Variants in SCAMP4 observed in about 807,000 individuals in gnomAD.
SCAMP4 encodes secretory carrier membrane protein 4, also known as secretory carrier-associated membrane protein 4.
In SCAMP4, 19 loss-of-function variants were observed where a neutral mutation model predicts 32.1. That is an observed-to-expected ratio of 0.59 (90% CI 0.41 to 0.87). The LOEUF (loss-of-function observed/expected upper bound fraction) is 0.87, where lower values mean the gene tolerates loss of function less well. Ranked by LOEUF, SCAMP4 falls within the 40% of genes least tolerant of loss-of-function variation. The pLI, the probability that SCAMP4 is intolerant of heterozygous loss-of-function variation, is 0.00. For missense variants in SCAMP4, 302 were observed against 309.0 expected, an observed-to-expected ratio of 0.98 and a Z score of 0.17; for synonymous variants, 152 against 132.7, an observed-to-expected ratio of 1.15 and a Z score of -1.00.
At chr19:1,912,698 C>T (rs1479193342) in intron 1 of SCAMP4, 3 of 1,483,692 alleles carry the variant, frequency 2.0e-6, no homozygotes, top group South Asian at 2.6e-5. Flanking sequence ...TGGTAGTGGA[C>T]CCGGCCTCGG....
intron 1 of SCAMP4, chr19:1,912,143 C>G: frequency 6.4e-7 from 1 of 1,560,936 alleles, no homozygotes; most frequent in Non-Finnish European, 8.6e-7. Context: ...GCTTGGAGGC[C>G]GGGAGCCCGG....
chr19:1,915,586 C>T lies in SCAMP4; in HGVS notation c.7+560C>T, dbSNP rs73916825. On this transcript the variant is annotated intron_variant, in intron 2 of 6. Coordinates refer to ENST00000316097, the MANE Select transcript of SCAMP4 (RefSeq NM_079834.4). ...TTGGGAATATGGCCTTAACTCCGGA[C>T]GTGATGGAGTTAAGATAAAGTACTG... 6.7e-3 allele frequency: 1,090 copies of T among 162,040 alleles called. 11 individuals carry two copies. Among genetic ancestry groups the T allele is most frequent in the African/African-American group, 0.025 (1,045 of 41,678 alleles). 10.0% of individuals were successfully genotyped at this position (162,040 alleles called of 1,614,324 possible).
intron 1 of SCAMP4, among the ~76,000 whole-genome samples, chr19:1,914,103 C>T (rs1482201073): frequency 2.0e-5 from 3 of 152,122 alleles, no homozygotes; most frequent in Admixed American, 2.0e-4. Flanking sequence ...CAGAGGCGTG[C>T]CCAGTTGAGT....
intron 1 of SCAMP4, chr19:1,913,477 T>A (rs1234813181): frequency 1.2e-5 from 5 of 427,370 alleles, no homozygotes; most frequent in Admixed American, 4.3e-5. Flanking sequence ...TGTGTGCCTT[T>A]GTGGCCAGGG....
chr19:1,915,172 G>T, intron 2 of SCAMP4, 146 bp downstream of exon 2: 1 of 954,200 alleles, frequency 1.0e-6, no homozygotes, highest in East Asian at 2.4e-5. Context: ...CCGTAGCCCA[G>T]CACAGCTGGA....
At chr19:1,921,273 G>C (rs564950668) in intron 5 of SCAMP4, 2 of 985,420 alleles carry the variant, frequency 2.0e-6, no homozygotes, top group Admixed American at 6.1e-5. Context: ...GCCCCGGGCA[G>C]CTTCACCAGC....
intron 1 of SCAMP4, chr19:1,912,986 C>A (rs767706073): frequency 6.2e-7 from 1 of 1,609,354 alleles, no homozygotes; most frequent in Non-Finnish European, 8.5e-7. Context: ...GCGCCATGGC[C>A]CTGGTGCACG....
At chr19:1,918,808 TCTGA>T in intron 4 of SCAMP4, 77 bp from the exon 5 acceptor site, 1 of 1,529,656 alleles carries the variant, frequency 6.5e-7, no homozygotes, top group Non-Finnish European at 8.8e-7. Context: ...TCTCACCATC[TCTGA>T]CTGGCCCGTT....
At chr19:1,923,923 C>CCGCCATGCTCATTTTCTGCTTT (rs764629182) in intron 6 of SCAMP4, among the ~76,000 whole-genome samples, 185 bp from the exon 7 acceptor site, 1 of 102,680 alleles carries the variant, frequency 9.7e-6, no homozygotes, top group Non-Finnish European at 2.8e-5. Context: ...CCGTGCCCGG[C>CCGCCATGCTCATTTTCTGCTTT]CTATTTTTTA....
At chr19:1,912,894 A>G (rs749882141) in intron 1 of SCAMP4, 2 of 1,607,694 alleles carry the variant, frequency 1.2e-6, no homozygotes, top group Non-Finnish European at 1.7e-6. Context: ...CGCCGTGCGT[A>G]AACTGGACGC....
rs142601862 is a variant in SCAMP4 at position 1,920,821 on chromosome 19, G to A, written c.395+1831G>A. 3.3e-4 allele frequency: 326 copies of A among 985,532 alleles called. 2 individuals are homozygous for A. In the African/African-American group the frequency reaches 4.7e-3, roughly 14 times the overall value. 61.0% of individuals were successfully genotyped at this position (985,532 alleles called of 1,614,324 possible). ...GAGCTGGGTGGACAGGCCTGTGCCC[G>A]TGTTGGGTGGTCCTGAGATCCCGGC... On this transcript the variant is annotated intron_variant, in intron 5 of 6. Coordinates refer to ENST00000316097, the MANE Select transcript of SCAMP4 (RefSeq NM_079834.4).
At chr19:1,923,033 G>A (rs950378179) in intron 5 of SCAMP4, 37 bp from the exon 6 acceptor site, 1 of 1,505,328 alleles carries the variant, frequency 6.6e-7, no homozygotes, top group South Asian at 1.3e-5. Context: ...CATCCAGCAG[G>A]TGTGCAGGCA....
intron 2 of SCAMP4, among the ~76,000 whole-genome samples, chr19:1,915,268 G>A (rs555456008): frequency 1.3e-5 from 2 of 152,318 alleles, no homozygotes; most frequent in Non-Finnish European, 2.9e-5. Context: ...CAGCCCAGCC[G>A]GGTGCCCCTG....
intron 1 of SCAMP4, chr19:1,911,806 A>T (rs1208781019): frequency 4.7e-6 from 2 of 421,502 alleles, no homozygotes; most frequent in Non-Finnish European, 8.1e-6. Flanking sequence ...AAATAAAAAA[A>T]AAAGAAAATG....
Position 1,905,932 on chromosome 19 carries a change from A to C in SCAMP4, c.-42+493A>C, listed in dbSNP as rs1241886234. ...ACCATCGTTCCTCATCGTTACCTAG[A>C]GTATGAGTTTTTCAGGTTTTTGTAT... On this transcript the variant is annotated intron_variant, in intron 1 of 6. Transcript: ENST00000316097. 3 of 152,246 alleles carry C rather than the reference A, an allele frequency of 2.0e-5. No homozygotes were observed. In the East Asian group the frequency reaches 5.8e-4, roughly 29 times the overall value. 9.4% of individuals were successfully genotyped at this position (152,246 alleles called of 1,614,324 possible). A position where few individuals can be genotyped will look rare whatever the true frequency, so the allele number is the denominator to read the frequency against.
chr19:1,921,756 T>G, intron 5 of SCAMP4: 1 of 982,780 alleles, frequency 1.0e-6, no homozygotes, highest in Non-Finnish European at 1.2e-6. Context: ...AGCAGGAGAA[T>G]CACTGCTTGA....
intron 1 of SCAMP4, chr19:1,912,943 A>C: frequency 6.2e-7 from 1 of 1,610,316 alleles, no homozygotes; most frequent in Non-Finnish European, 8.5e-7. Flanking sequence ...ACTGGCTACG[A>C]CCTGTACGTG....
intron 1 of SCAMP4, chr19:1,913,116 G>T: frequency 6.3e-7 from 1 of 1,587,138 alleles, no homozygotes; most frequent in Admixed American, 1.7e-5. Flanking sequence ...CGGGGTGCTG[G>T]AGGAGCAGTG....
rs1455459409 is a variant in SCAMP4 at position 1,912,687 on chromosome 19, G to A, written c.-41-2292G>A. 9 of 1,465,538 alleles carry A rather than the reference G, an allele frequency of 6.1e-6. No homozygotes were observed. Among genetic ancestry groups the A allele is most frequent in the African/African-American group, 3.0e-5 (2 of 67,182 alleles). The allele number at this position is 1,465,538 out of a possible 1,614,324, so 90.8% of individuals were successfully genotyped here. The stretch of plus-strand genomic sequence containing the variant: ...GCGGGGCTTGCGGGCCGTGGGGGCC[G>A]TGGTAGTGGACCCGGCCTCGGACCG... On this transcript the variant is annotated intron_variant, in intron 1 of 6. Transcript: ENST00000316097.
Sources: gnomAD v4.1 joint callset for allele counts (sites outside exome capture counted in the v4.1 genomes callset) on GRCh38, gnomAD v4.1.1 for gene constraint, MANE v1.5 for transcripts, NCBI Gene and HGNC (gene_info 2026-07-23, HGNC 2026-07-21) for gene names.